The following DYNC1I2 variants were observed in gnomAD, a reference collection of about 807,000 sequenced individuals.
DYNC1I2 encodes cytoplasmic dynein 1 intermediate chain 2.
In DYNC1I2, 53 loss-of-function variants were observed where a neutral mutation model predicts 88.6. The ratio of observed to expected loss-of-function variants is 0.60; its 90% CI spans 0.48 to 0.75. The LOEUF (loss-of-function observed/expected upper bound fraction) is 0.75, where lower values mean the gene tolerates loss of function less well. Ranked by LOEUF, DYNC1I2 falls within the 30% of genes least tolerant of loss-of-function variation. The pLI, the probability that DYNC1I2 is intolerant of heterozygous loss-of-function variation, is 0.00. For missense variants in DYNC1I2, 458 were observed against 766.6 expected, an observed-to-expected ratio of 0.60 and a Z score of 4.75; for synonymous variants, 198 against 254.6, an observed-to-expected ratio of 0.78 and a Z score of 2.12.
intron 7 of DYNC1I2, among the ~76,000 whole-genome samples, chr2:171,716,321 A>G (rs909824457): frequency 1.2e-4 from 19 of 152,232 alleles, no homozygotes; most frequent in African/African-American, 3.6e-4. Context: ...ATAAGTAATG[A>G]TTATAAATAG....
rs138226344 is a variant in DYNC1I2, at chr2:171,726,319, C to T, written c.870+26C>T. The T allele has an allele frequency of 2.8e-4, 408 of 1,475,244 alleles. 2 individuals are homozygous for T. In the African/African-American group the frequency reaches 5.1e-3, roughly 18 times the overall value. 91.4% of individuals were successfully genotyped at this position (1,475,244 alleles called of 1,614,324 possible). A position where few individuals can be genotyped will look rare whatever the true frequency, so the allele number is the denominator to read the frequency against. On this transcript the variant is annotated intron_variant, in intron 10 of 17. Coordinates refer to ENST00000397119, the MANE Select transcript of DYNC1I2 (RefSeq NM_001378.3). ...GTAAAATATAACAAAATAGGCCGCTCTTAACTCATTTTTAAAATTATAATT... is the reference window on the plus strand; with the variant it reads ...GTAAAATATAACAAAATAGGCCGCTTTTAACTCATTTTTAAAATTATAATT...
chr2:171,735,754 AT>A (rs1375044693), intron 15 of DYNC1I2, among the ~76,000 whole-genome samples: 1 of 152,208 alleles, frequency 6.6e-6, no homozygotes, highest in Non-Finnish European at 1.5e-5. Flanking sequence ...GGTAACAAGG[AT>A]TCTAGAAGAG....
At chr2:171,692,167 A>G (rs1243871586) in intron 2 of DYNC1I2, among the ~76,000 whole-genome samples, 1 of 152,198 alleles carries the variant, frequency 6.6e-6, no homozygotes, top group African/African-American at 2.4e-5. Flanking sequence ...AGGTTTATCT[A>G]GTTTAACCAG....
chr2:171,745,010 T>C (rs1415656513), intron 16 of DYNC1I2, among the ~76,000 whole-genome samples: 1 of 152,204 alleles, frequency 6.6e-6, no homozygotes, highest in Admixed American at 6.5e-5. Context: ...TAAATGTGGA[T>C]TGAAATTTAA....
rs1279937745 is a variant in DYNC1I2 at position 171,749,431 on chromosome 2, T to C, written c.*1542T>C. On this transcript the variant is annotated 3_prime_UTR_variant, in exon 18 of 18. Transcript: ENST00000397119. ...TGCCCATTATATACCAAAGACAATA[T>C]CTCAAGTTATCTCATTGTAGCAGTG... 6.6e-6 allele frequency among the ~76,000 whole-genome samples: 1 copy of C among 152,148 alleles called. No homozygotes were observed. Among genetic ancestry groups the C allele is most frequent in the African/African-American group, 2.4e-5 (1 of 41,450 alleles).
At chr2:171,718,423 A>G (rs1302019095) in intron 7 of DYNC1I2, among the ~76,000 whole-genome samples, 1 of 151,892 alleles carries the variant, frequency 6.6e-6, no homozygotes, top group African/African-American at 2.4e-5. Context: ...TCCAATGAAT[A>G]TGTCTCCAAA....
intron 15 of DYNC1I2, among the ~76,000 whole-genome samples, chr2:171,739,728 C>G (rs1486980576): frequency 8.0e-6 from 1 of 124,594 alleles, no homozygotes; most frequent in Non-Finnish European, 1.6e-5. Context: ...TTTTTTGAGA[C>G]CGAATCTCAC....
intron 16 of DYNC1I2, among the ~76,000 whole-genome samples, chr2:171,744,534 C>A (rs1166244894): frequency 1.3e-5 from 2 of 152,138 alleles, no homozygotes; most frequent in Non-Finnish European, 2.9e-5. Flanking sequence ...AGTATGTTAA[C>A]CTTAATTCTG....
In DYNC1I2 at chr2:171,707,345, C is replaced by T. The variant is rs756480589; in HGVS notation, c.303C>T (p.Ser101=). The T allele has an allele frequency of 1.2e-6, 2 of 1,613,758 alleles. No individual in the cohort carries two copies. Among genetic ancestry groups the T allele is most frequent in the East Asian group, 2.2e-5 (1 of 44,878 alleles). The change falls in exon 5 of 18, where the codon AGC becomes AGT. Residue 101 remains serine (S), a synonymous_variant. Coordinates refer to ENST00000397119, the MANE Select transcript of DYNC1I2 (RefSeq NM_001378.3). The stretch of plus-strand genomic sequence containing the variant: ...TGAGCACTCCAAGTGAAGCTGGAAG[C>T]CAAGACTCTGGAGATGGCGCCGTGG... ...KSVSTPSEAG[S]QDSGDGAVGS...
Position 171,728,432 on chromosome 2 carries a change from G to A in DYNC1I2, c.1257+14G>A, listed in dbSNP as rs772719990. 1 of 1,497,794 alleles carries A rather than the reference G, an allele frequency of 6.7e-7. No homozygotes were observed. Among genetic ancestry groups the A allele is most frequent in the African/African-American group, 1.4e-5 (1 of 71,722 alleles). The allele number at this position is 1,497,794 out of a possible 1,614,324, so 92.8% of individuals were successfully genotyped here. ...TCCCATCCACAGGTGGGTTAAACTT[G>A]GGAAACTGAAATTTTGAGGCAAATG... On this transcript the variant is annotated intron_variant, in intron 13 of 17. Transcript: ENST00000397119.
At chr2:171,687,785 T>G (rs944313477) in intron 1 of DYNC1I2, 158 bp downstream of exon 1, 2 of 152,676 alleles carry the variant, frequency 1.3e-5, no homozygotes, top group Non-Finnish European at 2.9e-5. Flanking sequence ...GAGCTGGTGG[T>G]GGCTACAGTT....
Position 171,746,438 on chromosome 2 carries a change from G to A in DYNC1I2, c.1803+511G>A, listed in dbSNP as rs141281023. Among the ~76,000 whole-genome samples, 760 of 152,220 alleles carry A rather than the reference G, an allele frequency of 5.0e-3. 9 individuals are homozygous for A. The highest frequency in any genetic ancestry group is 0.017 in the African/African-American group (718 of 41,528). On this transcript the variant is annotated intron_variant, in intron 17 of 17. Coordinates refer to ENST00000397119, the MANE Select transcript of DYNC1I2 (RefSeq NM_001378.3). Reference sequence around the variant, plus strand: ...GCAGCTCTCTCATCTTTGCTGCTCTGATTGGCTGAACACAAAGCCCAGGAT... The same window carrying A: ...GCAGCTCTCTCATCTTTGCTGCTCTAATTGGCTGAACACAAAGCCCAGGAT...
At chr2:171,704,747 G>T (rs781507747) in intron 3 of DYNC1I2, among the ~76,000 whole-genome samples, 1 of 152,074 alleles carries the variant, frequency 6.6e-6, no homozygotes, top group African/African-American at 2.4e-5. Flanking sequence ...GTTCTCAGGG[G>T]TTTATTGAAG....
intron 15 of DYNC1I2, among the ~76,000 whole-genome samples, chr2:171,739,088 C>A (rs1198954858): frequency 4.8e-5 from 7 of 144,404 alleles, no homozygotes; most frequent in Non-Finnish European, 9.1e-5. Context: ...TGCACTCTAG[C>A]CTGGGCAACA....
intron 16 of DYNC1I2, among the ~76,000 whole-genome samples, chr2:171,745,298 G>T (rs1689706262): frequency 6.6e-6 from 1 of 152,124 alleles, no homozygotes; most frequent in African/African-American, 2.4e-5. Context: ...GGAACAAGAG[G>T]CTTTAGACAG....
intron 17 of DYNC1I2, 88 bp from the exon 18 acceptor site, chr2:171,747,688 G>T (rs1689895170): frequency 1.1e-6 from 1 of 901,784 alleles, no homozygotes; most frequent in Non-Finnish European, 1.7e-6. Flanking sequence ...CTTTTTAACA[G>T]AAAAATTATT....
intron 15 of DYNC1I2, among the ~76,000 whole-genome samples, chr2:171,739,804 C>T (rs1689289293): frequency 7.1e-6 from 1 of 141,150 alleles, no homozygotes; most frequent in Non-Finnish European, 1.5e-5. Flanking sequence ...CTCCTGGGTT[C>T]AAGTGATTCT....
chr2:171,716,922 A>G (rs544053674), intron 7 of DYNC1I2, among the ~76,000 whole-genome samples: 155 of 151,234 alleles, frequency 1.0e-3, no homozygotes, highest in African/African-American at 3.7e-3. Flanking sequence ...AAAAAAGAAA[A>G]TTAGGATTGT....
chr2:171,690,070 G>A (rs1376464290), intron 1 of DYNC1I2, 77 bp from the exon 2 acceptor site: 14 of 895,140 alleles, frequency 1.6e-5, no homozygotes, highest in East Asian at 2.8e-5. Context: ...ATGGCCTTTC[G>A]GGACAGTTCT....
Sources: allele counts gnomAD v4.1 joint callset (sites outside exome capture counted in the v4.1 genomes callset), GRCh38; gene constraint gnomAD v4.1.1; transcripts MANE v1.5; gene names NCBI Gene and HGNC (gene_info 2026-07-23, HGNC 2026-07-21).